CADPS: variants seen among roughly 807,000 people sequenced by gnomAD.
CADPS encodes the protein calcium-dependent secretion activator 1.
Under a neutral mutation model 167.3 loss-of-function variants are expected in CADPS, and 57 were observed. The ratio of observed to expected loss-of-function variants is 0.34; its 90% CI spans 0.28 to 0.42. CADPS has a LOEUF of 0.42. Among genes scored for constraint, CADPS ranks in the 20% least tolerant of loss-of-function variants. CADPS has a pLI of 1.00. For synonymous variants in CADPS, 676 were observed against 635.3 expected (o/e 1.06, Z -0.96); for missense variants, 1,414 against 1,738.1 (o/e 0.81, Z 3.32).
intron 22 of CADPS, among the ~76,000 whole-genome samples, chr3:62,479,089 G>A (rs1297291029): frequency 6.6e-6 from 1 of 152,222 alleles, no homozygotes; most frequent in Non-Finnish European, 1.5e-5. Context: ...GGTGAGTCGA[G>A]ACAGTGGAAG....
chr3:62,739,123 C>T (rs1322980856), intron 3 of CADPS, among the ~76,000 whole-genome samples: 1 of 152,146 alleles, frequency 6.6e-6, no homozygotes, highest in Non-Finnish European at 1.5e-5. Flanking sequence ...CAATAGAATA[C>T]AGTGGAAGCA....
At chr3:62,704,493 C>T (rs978597731) in intron 3 of CADPS, among the ~76,000 whole-genome samples, 12 of 152,130 alleles carry the variant, frequency 7.9e-5, no homozygotes, top group Non-Finnish European at 7.3e-5. Flanking sequence ...TTTACTTCAA[C>T]TACCATTTTA....
intron 10 of CADPS, among the ~76,000 whole-genome samples, chr3:62,551,052 T>C (rs918244774): frequency 1.3e-5 from 2 of 152,198 alleles, no homozygotes; most frequent in African/African-American, 4.8e-5. Flanking sequence ...CTCATGGTGA[T>C]GCCAACCAGC....
chr3:62,401,152 T>G (rs1258538602), intron 29 of CADPS, among the ~76,000 whole-genome samples: 1 of 152,218 alleles, frequency 6.6e-6, no homozygotes, highest in African/African-American at 2.4e-5. Flanking sequence ...GTTTTCACTT[T>G]GATGGGGACG....
At chr3:62,712,616 A>G (rs2089352) in intron 3 of CADPS, among the ~76,000 whole-genome samples, 119,377 of 152,168 alleles carry the variant, frequency 0.78, 47,168 homozygotes, top group East Asian at 0.98. Context: ...TCCTTAATTT[A>G]ATTAGCTAAG....
In CADPS at chr3:62,759,213, T is replaced by C. The variant is rs76325433; in HGVS notation, c.556-5440A>G. 6.4e-4 allele frequency among the ~76,000 whole-genome samples: 97 copies of C among 152,282 alleles called. 3 individuals are homozygous for C. In the East Asian group the frequency reaches 0.017, roughly 26 times the overall value. ...TTAATCTTCCTGGGCTTTAATTTCCTCACCTTTAAGATGGGAGTTATAACA... is the reference window on the plus strand; with the variant it reads ...TTAATCTTCCTGGGCTTTAATTTCCCCACCTTTAAGATGGGAGTTATAACA... On this transcript the variant is annotated intron_variant, in intron 2 of 29. Coordinates refer to ENST00000383710, the MANE Select transcript of CADPS (RefSeq NM_003716.4).
At chr3:62,682,996 C>A (rs972169548) in intron 3 of CADPS, among the ~76,000 whole-genome samples, 1 of 152,062 alleles carries the variant, frequency 6.6e-6, no homozygotes. Context: ...AAGAGCATTT[C>A]AGACAGAAAT....
chr3:62,619,873 T>C (rs939962957), intron 6 of CADPS, among the ~76,000 whole-genome samples: 8 of 152,190 alleles, frequency 5.3e-5, no homozygotes, highest in Non-Finnish European at 1.0e-4. Context: ...TTTGAGGTGC[T>C]TTGTTGGAGA....
intron 3 of CADPS, among the ~76,000 whole-genome samples, chr3:62,665,379 T>C: frequency 6.6e-6 from 1 of 152,210 alleles, no homozygotes; most frequent in East Asian, 1.9e-4. Flanking sequence ...GTTGGTATCA[T>C]TATCCCCATT....
intron 6 of CADPS, among the ~76,000 whole-genome samples, chr3:62,637,161 A>G (rs112706485): frequency 2.0e-5 from 3 of 152,248 alleles, no homozygotes; most frequent in African/African-American, 7.2e-5. Context: ...TTGATTTTCA[A>G]CAACAACCCG....
chr3:62,488,231 T>C (rs1427937772), intron 21 of CADPS, among the ~76,000 whole-genome samples: 1 of 152,160 alleles, frequency 6.6e-6, no homozygotes, highest in Non-Finnish European at 1.5e-5. Flanking sequence ...GAGAAATGAA[T>C]CTGCTTCTTC....
At chr3:62,401,741 T>TG (rs892226206) in intron 29 of CADPS, among the ~76,000 whole-genome samples, 262 of 152,112 alleles carry the variant, frequency 1.7e-3, no homozygotes, top group African/African-American at 6.0e-3. Flanking sequence ...CATTTTTTTT[T>TG]TTTTGTTTTG....
At chr3:62,527,456 G>T (rs954322193) in intron 13 of CADPS, among the ~76,000 whole-genome samples, 1 of 151,906 alleles carries the variant, frequency 6.6e-6, no homozygotes, top group African/African-American at 2.4e-5. Context: ...TGCTGGGGGT[G>T]GGGGGTGGGG....
intron 21 of CADPS, among the ~76,000 whole-genome samples, chr3:62,483,966 C>T (rs993534645): frequency 2.0e-5 from 3 of 152,124 alleles, no homozygotes; most frequent in African/African-American, 7.2e-5. Flanking sequence ...GCATAACATA[C>T]AAATGTATGC....
rs564405054 is a variant in CADPS, at chr3:62,840,162, G to T, written c.441+34427C>A. ...GCCATTAGCTTACAGTATGGGCCTC[G>T]CAAGTTCTTATTTAACCTCTCTCAC... is the stretch of plus-strand genomic sequence containing the variant. On this transcript the variant is annotated intron_variant, in intron 1 of 29. Coordinates refer to ENST00000383710, the MANE Select transcript of CADPS (RefSeq NM_003716.4). Among the ~76,000 whole-genome samples, 87 of 152,180 alleles carry T rather than the reference G, an allele frequency of 5.7e-4. 1 individual carries two copies. In the South Asian group the frequency reaches 0.011, roughly 19 times the overall value.
intron 13 of CADPS, among the ~76,000 whole-genome samples, chr3:62,525,617 A>C (rs1429481659): frequency 6.6e-6 from 1 of 151,964 alleles, no homozygotes; most frequent in Non-Finnish European, 1.5e-5. Flanking sequence ...TCCCCACTAC[A>C]CAGTTTTTGC....
At chr3:62,480,204 A>G (rs2061819851) in intron 22 of CADPS, among the ~76,000 whole-genome samples, 1 of 152,154 alleles carries the variant, frequency 6.6e-6, no homozygotes, top group Admixed American at 6.5e-5. Flanking sequence ...ATGTGTTCCC[A>G]CTCATGCCTT....
intron 28 of CADPS, chr3:62,404,733 AC>A (rs1707752921): frequency 6.6e-6 from 1 of 150,780 alleles, no homozygotes; most frequent in African/African-American, 2.4e-5. Context: ...AGTTTTAGGA[AC>A]CTTCTGTCCC....
intron 3 of CADPS, among the ~76,000 whole-genome samples, chr3:62,748,732 G>C (rs1371218204): frequency 1.3e-5 from 2 of 152,044 alleles, no homozygotes; most frequent in African/African-American, 4.8e-5. Flanking sequence ...TTTTGAGACA[G>C]AGTCTCACTC....
Sources: gnomAD v4.1 joint callset for allele counts (sites outside exome capture counted in the v4.1 genomes callset) on GRCh38, gnomAD v4.1.1 for gene constraint, MANE v1.5 for transcripts, NCBI Gene and HGNC (gene_info 2026-07-23, HGNC 2026-07-21) for gene names.